The following FDFT1 variants were observed in gnomAD, a reference collection of about 807,000 sequenced individuals.
FDFT1 encodes squalene synthase.
A neutral mutation model predicts 46.8 loss-of-function variants in FDFT1; 68 were observed. That is an observed-to-expected ratio of 1.45 (90% CI 1.19 to 1.78). The LOEUF is 1.78. Among genes scored for constraint, FDFT1 ranks in the 40% most tolerant of loss-of-function variants. The pLI is 0.00. For missense variants in FDFT1, 928 were observed against 524.4 expected (o/e 1.77, Z -7.52); for synonymous variants, 351 against 185.1 (o/e 1.90, Z -7.28).
At chr8:11,817,896 T>G (rs187371101) in intron 3 of FDFT1, among the ~76,000 whole-genome samples, 1 of 152,038 alleles carries the variant, frequency 6.6e-6, no homozygotes, top group African/African-American at 2.4e-5. Flanking sequence ...TTCTTGCCTT[T>G]TACTAGCTTT....
In FDFT1 at chr8:11,830,378, A is replaced by G. The variant is rs1488962068; in HGVS notation, c.837A>G (p.Arg279=). ...CAGATGTCATCACCTACCTTTCGAG[A>G]CTCAGAAACCAGAGTGTGTTTAACT... The part of the protein sequence containing the change: ...HIPDVITYLS[R]LRNQSVFNFC... The change falls in exon 6 of 8, where the codon AGA becomes AGG. Residue 279 remains arginine (R), a synonymous_variant. Coordinates refer to ENST00000220584, the MANE Select transcript of FDFT1 (RefSeq NM_004462.5). 7 of 1,613,822 alleles carry G rather than the reference A, an allele frequency of 4.3e-6. No individual in the cohort carries two copies. The highest frequency in any genetic ancestry group is 2.7e-5 in the African/African-American group (2 of 74,990).
chr8:11,824,399 G>C (rs895579606), intron 4 of FDFT1, among the ~76,000 whole-genome samples: 8 of 152,128 alleles, frequency 5.3e-5, no homozygotes, highest in Non-Finnish European at 7.4e-5. Context: ...GTCTCTAAAA[G>C]AAAAACTAAA....
At chr8:11,815,754 A>G (rs756373142) in intron 3 of FDFT1, among the ~76,000 whole-genome samples, 4 of 152,094 alleles carry the variant, frequency 2.6e-5, no homozygotes, top group Non-Finnish European at 4.4e-5. Flanking sequence ...AGTTCTTTGT[A>G]GATTCTGGAT....
upstream of FDFT1, chr8:11,798,230 T>C (rs539483382): frequency 6.0e-4 from 92 of 152,338 alleles, no homozygotes; most frequent in African/African-American, 2.2e-3. Flanking sequence ...CAGCTAATTT[T>C]GGTATTTTTA....
upstream of FDFT1, among the ~76,000 whole-genome samples, chr8:11,800,180 G>A (rs1365356433): frequency 7.7e-6 from 1 of 130,358 alleles, no homozygotes; most frequent in African/African-American, 2.9e-5. Flanking sequence ...AGAAGCACTT[G>A]AACCCAGAAG....
intron 1 of FDFT1, among the ~76,000 whole-genome samples, chr8:11,797,161 C>T (rs1177513997): frequency 1.3e-5 from 2 of 152,310 alleles, no homozygotes; most frequent in Non-Finnish European, 1.5e-5. Context: ...GCTGCTTCGG[C>T]CCCTCCCTGT....
intron 6 of FDFT1, 79 bp from the exon 7 acceptor site, chr8:11,831,439 A>C: frequency 7.6e-7 from 1 of 1,315,818 alleles, no homozygotes; most frequent in Non-Finnish European, 1.1e-6. Flanking sequence ...ATTCAACAGA[A>C]GGTTTTCTTA....
At chr8:11,823,787 A>T (rs527289452) in intron 4 of FDFT1, among the ~76,000 whole-genome samples, 2 of 152,260 alleles carry the variant, frequency 1.3e-5, no homozygotes, top group South Asian at 4.1e-4. Context: ...TCTGTCACCC[A>T]GGCTGGAGTG....
chr8:11,839,147 A>C lies in FDFT1; in HGVS notation c.*538A>C, dbSNP rs1005856938. The C allele has an allele frequency of 6.5e-6, 1 of 154,748 alleles. No individual in the cohort carries two copies. The highest frequency in any genetic ancestry group is 2.4e-5 in the African/African-American group (1 of 41,458). 9.6% of individuals were successfully genotyped at this position (154,748 alleles called of 1,614,324 possible). ...CTGCCTTTTCCACACAAAGGCTGGGAATAAAATTCTGGGTATTCTCGTATT... is the reference window on the plus strand; with the variant it reads ...CTGCCTTTTCCACACAAAGGCTGGGCATAAAATTCTGGGTATTCTCGTATT... On this transcript the variant is annotated 3_prime_UTR_variant, in exon 8 of 8. Coordinates refer to ENST00000220584, the MANE Select transcript of FDFT1 (RefSeq NM_004462.5).
At chr8:11,802,509 C>A (rs753789983), upstream of FDFT1, 1 of 511,072 alleles carries the variant, frequency 2.0e-6, no homozygotes. Context: ...TCCCGCTCGT[C>A]GGCCTCTTTC....
At chr8:11,823,971 C>T (rs541569846) in intron 4 of FDFT1, among the ~76,000 whole-genome samples, 45 of 152,106 alleles carry the variant, frequency 3.0e-4, no homozygotes, top group East Asian at 7.8e-4. Context: ...GTCTTGAGCT[C>T]CTGGGCTCAA....
chr8:11,822,640 C>T (rs957731442), intron 4 of FDFT1, among the ~76,000 whole-genome samples: 1 of 152,054 alleles, frequency 6.6e-6, no homozygotes, highest in African/African-American at 2.4e-5. Context: ...ATAGCGAGAC[C>T]CCGTCTTTCA....
intron 7 of FDFT1, among the ~76,000 whole-genome samples, chr8:11,835,520 C>T (rs1054936097): frequency 1.3e-5 from 2 of 152,162 alleles, no homozygotes; most frequent in African/African-American, 4.8e-5. Flanking sequence ...CCTTACTTAT[C>T]TCCTGGAAGG....
rs780380893 is a variant in FDFT1, at chr8:11,808,940, A to C, written c.197+49A>C. 1.5e-5 allele frequency: 24 copies of C among 1,592,124 alleles called. No homozygotes were observed. In the African/African-American group the frequency reaches 3.1e-4, roughly 20 times the overall value. On this transcript the variant is annotated intron_variant, in intron 2 of 7. Coordinates refer to ENST00000220584, the MANE Select transcript of FDFT1 (RefSeq NM_004462.5). ...TGGCTTGGAGGAAAGCTTGTCCGGG[A>C]CCTTTGAGTGTGTTGGAAGCTACCT...
intron 3 of FDFT1, among the ~76,000 whole-genome samples, chr8:11,820,912 C>A (rs542405124): frequency 1.3e-5 from 2 of 152,302 alleles, no homozygotes; most frequent in African/African-American, 4.8e-5. Context: ...GAACCAGGTA[C>A]CTCAGTTGGA....
intron 1 of FDFT1, among the ~76,000 whole-genome samples, chr8:11,807,740 C>G (rs528930282): frequency 6.6e-6 from 1 of 152,150 alleles, no homozygotes; most frequent in Non-Finnish European, 1.5e-5. Context: ...GCATTAATTT[C>G]GAAGGGAAAG....
intron 7 of FDFT1, among the ~76,000 whole-genome samples, chr8:11,837,218 A>T (rs1811664660): frequency 6.6e-6 from 1 of 152,030 alleles, no homozygotes; most frequent in East Asian, 1.9e-4. Flanking sequence ...ACAACAGTAG[A>T]CAGTTGTTCT....
intron 4 of FDFT1, among the ~76,000 whole-genome samples, chr8:11,823,839 G>T (rs969067998): frequency 6.6e-6 from 1 of 152,126 alleles, no homozygotes; most frequent in African/African-American, 2.4e-5. Context: ...CACCTCCTGT[G>T]CTCAAGCAGT....
chr8:11,812,845 C>G (rs974533310), intron 3 of FDFT1, among the ~76,000 whole-genome samples: 5 of 152,154 alleles, frequency 3.3e-5, no homozygotes, highest in African/African-American at 1.2e-4. Flanking sequence ...GTCAGGCTTT[C>G]TAGAAATCTC....
Sources: allele counts gnomAD v4.1 joint callset (sites outside exome capture counted in the v4.1 genomes callset), GRCh38; gene constraint gnomAD v4.1.1; transcripts MANE v1.5; gene names NCBI Gene and HGNC (gene_info 2026-07-23, HGNC 2026-07-21).